Variants in SEC22A observed in about 807,000 individuals in gnomAD.
SEC22A encodes the protein vesicle-trafficking protein SEC22a.
In SEC22A, 22 loss-of-function variants were observed where a neutral mutation model predicts 35.3. The ratio of observed to expected loss-of-function variants is 0.62; its 90% CI spans 0.45 to 0.89. SEC22A has a LOEUF of 0.89. Among genes scored for constraint, SEC22A ranks in the 40% least tolerant of loss-of-function variants. The pLI, the probability that SEC22A is intolerant of heterozygous loss-of-function variation, is 0.00. For missense variants in SEC22A, 354 were observed against 362.5 expected (o/e 0.98, Z 0.19); for synonymous variants, 119 against 129.5 (o/e 0.92, Z 0.55).
intron 6 of SEC22A, among the ~76,000 whole-genome samples, chr3:123,268,296 T>C (rs1056136462): frequency 6.6e-6 from 1 of 152,156 alleles, no homozygotes; most frequent in African/African-American, 2.4e-5. Context: ...AGGGTCTTTT[T>C]TGTTGTTTGT....
At chr3:123,245,074 C>T (rs1192456228) in intron 4 of SEC22A, among the ~76,000 whole-genome samples, 1 of 152,154 alleles carries the variant, frequency 6.6e-6, no homozygotes, top group African/African-American at 2.4e-5. Flanking sequence ...AGCTATAAGA[C>T]TCCATTCTGT....
intron 2 of SEC22A, among the ~76,000 whole-genome samples, chr3:123,214,221 A>C (rs555355492): frequency 6.6e-6 from 1 of 152,272 alleles, no homozygotes; most frequent in South Asian, 2.1e-4. Context: ...TAAAATTTAA[A>C]AATAAAATAA....
chr3:123,223,027 AT>A (rs1442877691), intron 2 of SEC22A, among the ~76,000 whole-genome samples: 2 of 152,184 alleles, frequency 1.3e-5, no homozygotes. Flanking sequence ...AAACTCATAA[AT>A]TCCCCCCTCC....
intron 6 of SEC22A, among the ~76,000 whole-genome samples, chr3:123,270,430 T>C (rs1004369709): frequency 3.9e-5 from 6 of 152,210 alleles, no homozygotes; most frequent in African/African-American, 1.4e-4. Context: ...CTTCCCATTC[T>C]GAAGCCTGGA....
intron 5 of SEC22A, among the ~76,000 whole-genome samples, chr3:123,248,410 A>G (rs1180887667): frequency 3.3e-5 from 5 of 152,228 alleles, no homozygotes; most frequent in African/African-American, 9.6e-5. Flanking sequence ...AGGTTAATAT[A>G]CAAAACTCAA....
chr3:123,202,668 A>G (rs1936769696), intron 1 of SEC22A, among the ~76,000 whole-genome samples: 1 of 152,172 alleles, frequency 6.6e-6, no homozygotes, highest in African/African-American at 2.4e-5. Context: ...CAGTGAAGAC[A>G]GCTTAAGATA....
At chr3:123,250,239 G>A (rs1002915618) in intron 5 of SEC22A, among the ~76,000 whole-genome samples, 5 of 151,962 alleles carry the variant, frequency 3.3e-5, no homozygotes, top group Admixed American at 6.6e-5. Flanking sequence ...GTGAAACCCC[G>A]TCTCTACTAA....
intron 1 of SEC22A, chr3:123,208,940 G>T: frequency 2.9e-6 from 1 of 348,666 alleles, no homozygotes; most frequent in Non-Finnish European, 5.6e-6. Flanking sequence ...GATTACAGGT[G>T]TGCACCACCA....
At chr3:123,254,928 C>T (rs1048373472) in intron 5 of SEC22A, among the ~76,000 whole-genome samples, 1 of 150,822 alleles carries the variant, frequency 6.6e-6, no homozygotes, top group East Asian at 2.0e-4. Flanking sequence ...ATTCCCCTTC[C>T]TGTGTCCAAG....
chr3:123,231,964 C>G (rs1016301500), intron 4 of SEC22A, among the ~76,000 whole-genome samples: 1 of 152,156 alleles, frequency 6.6e-6, no homozygotes, highest in Non-Finnish European at 1.5e-5. Context: ...AGGGGCCAGG[C>G]ACGGTGGCTC....
At chr3:123,270,628 C>G (rs1330509413) in intron 6 of SEC22A, among the ~76,000 whole-genome samples, 3 of 152,168 alleles carry the variant, frequency 2.0e-5, no homozygotes, top group Non-Finnish European at 4.4e-5. Flanking sequence ...AATCTCACCC[C>G]TCATGAAATA....
intron 4 of SEC22A, among the ~76,000 whole-genome samples, chr3:123,240,398 A>C (rs187128586): frequency 6.6e-6 from 1 of 152,236 alleles, no homozygotes; most frequent in East Asian, 1.9e-4. Flanking sequence ...AGAAGACTAC[A>C]TTGTGTGACT....
At chr3:123,215,617 A>G (rs765926478) in intron 2 of SEC22A, among the ~76,000 whole-genome samples, 4 of 152,156 alleles carry the variant, frequency 2.6e-5, no homozygotes, top group Admixed American at 2.0e-4. Context: ...TATTTTACAG[A>G]TAAGGTAAAT....
At chr3:123,204,117 A>G (rs908299609) in intron 1 of SEC22A, among the ~76,000 whole-genome samples, 1 of 152,222 alleles carries the variant, frequency 6.6e-6, no homozygotes, top group African/African-American at 2.4e-5. Flanking sequence ...CACATATGCA[A>G]GATAATTTGA....
At chr3:123,234,721 C>T (rs947162728) in intron 4 of SEC22A, among the ~76,000 whole-genome samples, 16 of 151,998 alleles carry the variant, frequency 1.1e-4, no homozygotes, top group Non-Finnish European at 1.6e-4. Flanking sequence ...ACCAAAATCA[C>T]AATGAAAAAA....
rs778068707 is a variant in SEC22A, at chr3:123,245,900, T to TCAC, written c.546_548dup (p.His182dup). On this transcript the variant is annotated inframe_insertion and splice_region_variant, in exon 5 of 7. Transcript: ENST00000492595. ...CTAACTATTTCTTTTATTTTCCAGC[T>TCAC]CACCAGCGACTGGAACCAGCAACTC... is the stretch of plus-strand genomic sequence containing the variant. 14 of 1,564,612 alleles carry TCAC rather than the reference T, an allele frequency of 8.9e-6. No individual in the cohort carries two copies. In the East Asian group the frequency reaches 3.1e-4, roughly 35 times the overall value.
At chr3:123,249,710 G>A (rs1370865933) in intron 5 of SEC22A, among the ~76,000 whole-genome samples, 1 of 152,050 alleles carries the variant, frequency 6.6e-6, no homozygotes, top group African/African-American at 2.4e-5. Flanking sequence ...TTTTAGTAGA[G>A]ATGGGGTTTC....
intron 6 of SEC22A, among the ~76,000 whole-genome samples, chr3:123,260,145 A>C (rs1937852107): frequency 1.0e-5 from 1 of 96,010 alleles, no homozygotes; most frequent in Non-Finnish European, 2.2e-5. Flanking sequence ...AAAAAAAAAA[A>C]AAAAAAAAAA....
rs1300481514 is a variant in SEC22A at position 123,272,963 on chromosome 3, G to GT, written c.*1244dup. 6.5e-6 allele frequency: 1 copy of GT among 153,716 alleles called. No homozygotes were observed. The highest frequency in any genetic ancestry group is 1.5e-5 in the Non-Finnish European group (1 of 68,038). 9.5% of individuals were successfully genotyped at this position (153,716 alleles called of 1,614,324 possible). ...GTTTTTTGATAACGTTTTAAAGATT[G>GT]TTTAAGCAGTTATGAATTAATAATA... On this transcript the variant is annotated 3_prime_UTR_variant, in exon 7 of 7. Coordinates refer to ENST00000492595, the MANE Select transcript of SEC22A (RefSeq NM_012430.5).
Sources: allele counts gnomAD v4.1 joint callset (sites outside exome capture counted in the v4.1 genomes callset), GRCh38; gene constraint gnomAD v4.1.1; transcripts MANE v1.5; gene names NCBI Gene and HGNC (gene_info 2026-07-23, HGNC 2026-07-21).